Variants in ARL15 observed in about 807,000 individuals in gnomAD.
ARL15 encodes ADP-ribosylation factor-like protein 15.
Under a neutral mutation model 25.2 loss-of-function variants are expected in ARL15, and 19 were observed. The observed-to-expected ratio is 0.75, with a 90% CI of 0.53 to 1.10. The LOEUF is 1.10. Among genes scored for constraint, ARL15 ranks in the 50% least tolerant of loss-of-function variants. The probability of loss-of-function intolerance (pLI) is 0.00; values close to 1 mark genes in which losing one functional copy is unlikely to be tolerated. For missense variants in ARL15, 220 were observed against 246.0 expected (o/e 0.89, Z 0.71); for synonymous variants, 94 against 86.8 (o/e 1.08, Z -0.46).
chr5:53,992,821 G>A (rs1376745253), intron 4 of ARL15, among the ~76,000 whole-genome samples: 1 of 130,076 alleles, frequency 7.7e-6, no homozygotes, highest in Non-Finnish European at 1.7e-5. Context: ...AGCACTTTGG[G>A]AGGCCGAGGT....
intron 4 of ARL15, among the ~76,000 whole-genome samples, chr5:53,918,352 ATT>A (rs1231974723): frequency 4.0e-5 from 6 of 151,016 alleles, no homozygotes; most frequent in Non-Finnish European, 8.9e-5. Context: ...TGCCTGGCTA[ATT>A]TTTTTTTATT....
intron 1 of ARL15, among the ~76,000 whole-genome samples, chr5:54,173,814 A>G (rs1754787201): frequency 6.6e-6 from 1 of 151,910 alleles, no homozygotes; most frequent in Non-Finnish European, 1.5e-5. Flanking sequence ...CCCACACTCC[A>G]TGATCTGCTC....
At chr5:54,181,768 T>C (rs1755065815) in intron 1 of ARL15, among the ~76,000 whole-genome samples, 1 of 152,196 alleles carries the variant, frequency 6.6e-6, no homozygotes, top group Non-Finnish European at 1.5e-5. Flanking sequence ...ACCCCATCTC[T>C]TCAAAAGAAA....
intron 1 of ARL15, among the ~76,000 whole-genome samples, chr5:54,211,162 T>C (rs974258789): frequency 2.6e-5 from 4 of 152,144 alleles, no homozygotes; most frequent in African/African-American, 9.7e-5. Flanking sequence ...AAGTTAGTGG[T>C]TTGTTTGGTA....
intron 4 of ARL15, among the ~76,000 whole-genome samples, chr5:53,976,966 A>G (rs1747945581): frequency 6.6e-6 from 1 of 152,218 alleles, no homozygotes; most frequent in South Asian, 2.1e-4. Context: ...TTTATAACAA[A>G]CATAAATTAA....
intron 4 of ARL15, among the ~76,000 whole-genome samples, chr5:53,944,501 A>C (rs1330931375): frequency 1.3e-5 from 2 of 152,000 alleles, no homozygotes; most frequent in Non-Finnish European, 2.9e-5. Context: ...CTGAGGTGGG[A>C]GGATCACCTG....
chr5:54,081,928 C>T (rs893000074), intron 4 of ARL15, among the ~76,000 whole-genome samples: 1 of 150,506 alleles, frequency 6.6e-6, no homozygotes, highest in South Asian at 2.1e-4. Flanking sequence ...CCCGTCTCTA[C>T]TAAAAATACA....
chr5:54,214,513 T>C (rs1295955151), intron 1 of ARL15, among the ~76,000 whole-genome samples: 1 of 152,184 alleles, frequency 6.6e-6, no homozygotes, highest in Non-Finnish European at 1.5e-5. Flanking sequence ...TCACCATTTG[T>C]CATTTGCACC....
chr5:54,015,392 TC>T (rs546141796), intron 4 of ARL15, among the ~76,000 whole-genome samples: 85 of 152,216 alleles, frequency 5.6e-4, no homozygotes, highest in African/African-American at 1.9e-3. Context: ...ACACTGCTAG[TC>T]CCAAGCATTT....
chr5:54,268,430 G>A (rs1001831600), intron 1 of ARL15, among the ~76,000 whole-genome samples: 18 of 152,248 alleles, frequency 1.2e-4, no homozygotes, highest in Admixed American at 6.5e-4. Context: ...CTGTAGCTCG[G>A]AGTAGTTTGA....
chr5:54,083,579 CAA>C (rs1459584543), intron 4 of ARL15, among the ~76,000 whole-genome samples: 14 of 152,074 alleles, frequency 9.2e-5, no homozygotes, highest in Non-Finnish European at 1.5e-5. Context: ...TAACTAAAAT[CAA>C]AGAGAAAATG....
At chr5:54,073,649 G>A (rs544427540) in intron 4 of ARL15, among the ~76,000 whole-genome samples, 2 of 152,330 alleles carry the variant, frequency 1.3e-5, no homozygotes, top group African/African-American at 4.8e-5. Context: ...CAGTGTCTCT[G>A]TGATCAGCTC....
intron 1 of ARL15, among the ~76,000 whole-genome samples, chr5:54,286,684 A>G (rs529078658): frequency 1.3e-5 from 2 of 152,284 alleles, no homozygotes; most frequent in East Asian, 3.9e-4. Context: ...GGTGAAGGTA[A>G]GAATAGTTCT....
intron 4 of ARL15, among the ~76,000 whole-genome samples, chr5:53,950,583 A>G (rs1746911732): frequency 6.6e-6 from 1 of 152,198 alleles, no homozygotes; most frequent in Non-Finnish European, 1.5e-5. Flanking sequence ...CTCATGCTCT[A>G]TCACTACCCA....
At chr5:53,951,595 A>G in intron 4 of ARL15, 1 of 467,398 alleles carries the variant, frequency 2.1e-6, no homozygotes. Flanking sequence ...ATACCTTCAC[A>G]TAACTTTTTG....
At chr5:53,892,478 G>A (rs1247636736) in intron 4 of ARL15, among the ~76,000 whole-genome samples, 1 of 152,082 alleles carries the variant, frequency 6.6e-6, no homozygotes, top group Non-Finnish European at 1.5e-5. Context: ...AGCTATTACT[G>A]CTTTCTTGTA....
chr5:53,905,181 AC>A (rs1745212074), intron 4 of ARL15, among the ~76,000 whole-genome samples: 1 of 152,162 alleles, frequency 6.6e-6, no homozygotes, highest in South Asian at 2.1e-4. Context: ...ATTAACACCC[AC>A]TTCAGTCTGA....
At chr5:54,009,589 G>A (rs3776702) in intron 4 of ARL15, among the ~76,000 whole-genome samples, 41,973 of 152,048 alleles carry the variant, frequency 0.28, 6,021 homozygotes, top group East Asian at 0.46. Context: ...TATGGACTGC[G>A]AATATTGTGC....
chr5:54,125,070 G>GTTTTTTT (rs1753203668), intron 3 of ARL15, among the ~76,000 whole-genome samples: 28 of 135,932 alleles, frequency 2.1e-4, no homozygotes, highest in Admixed American at 4.3e-4. Flanking sequence ...CAAGTTTTTT[G>GTTTTTTT]TTTTGTTTTG....
Sources: gnomAD v4.1 joint callset for allele counts (sites outside exome capture counted in the v4.1 genomes callset) on GRCh38, gnomAD v4.1.1 for gene constraint, MANE v1.5 for transcripts, NCBI Gene and HGNC (gene_info 2026-07-23, HGNC 2026-07-21) for gene names.